Variants in CEP170 observed in about 807,000 individuals in gnomAD.
The protein encoded by CEP170 is centrosomal protein of 170 kDa.
In CEP170, 21 loss-of-function variants were observed where a neutral mutation model predicts 151.9. The observed-to-expected ratio is 0.14, with a 90% CI of 0.10 to 0.20. CEP170 has a LOEUF of 0.20. CEP170 is among the 10% of genes least tolerant of loss of function. The pLI, the probability that CEP170 is intolerant of heterozygous loss-of-function variation, is 1.00. For synonymous variants in CEP170, 356 were observed against 648.8 expected, an observed-to-expected ratio of 0.55 and a Z score of 6.86; for missense variants, 964 against 1,892.9, an observed-to-expected ratio of 0.51 and a Z score of 9.11.
intron 3 of CEP170, among the ~76,000 whole-genome samples, chr1:243,215,212 C>A (rs1028958405): frequency 6.6e-6 from 1 of 152,004 alleles, no homozygotes; most frequent in Non-Finnish European, 1.5e-5. Flanking sequence ...CGCCTCAGGA[C>A]CCTGTGATGA....
chr1:243,249,563 T>A (rs1478288030), intron 1 of CEP170, among the ~76,000 whole-genome samples: 2 of 152,304 alleles, frequency 1.3e-5, no homozygotes, highest in Non-Finnish European at 2.9e-5. Flanking sequence ...TTTCATATTA[T>A]TTCTTTTCAA....
At chr1:243,231,274 GT>G (rs1299360578) in intron 1 of CEP170, among the ~76,000 whole-genome samples, 2,540 of 142,094 alleles carry the variant, frequency 0.018, 80 homozygotes, top group African/African-American at 0.062. Flanking sequence ...AGCTGACACA[GT>G]TTTTTTTTTT....
chr1:243,150,341 G>A (rs553533260), intron 14 of CEP170, among the ~76,000 whole-genome samples: 4 of 152,230 alleles, frequency 2.6e-5, no homozygotes, highest in East Asian at 3.9e-4. Flanking sequence ...AGTAGAGATG[G>A]GGTTTCACCA....
intron 13 of CEP170, among the ~76,000 whole-genome samples, chr1:243,162,532 G>A (rs532042130): frequency 6.6e-6 from 1 of 152,304 alleles, no homozygotes; most frequent in African/African-American, 2.4e-5. Flanking sequence ...AGAAAACTGA[G>A]TATTTATCAA....
At position 243,147,158 on chromosome 1, in the gene CEP170, T is replaced by C. The variant is rs531333881; in HGVS notation, c.3912-4695A>G. On this transcript the variant is annotated intron_variant, in intron 14 of 19. Coordinates refer to ENST00000366542, the MANE Select transcript of CEP170 (RefSeq NM_014812.3). ...GTATTTTTATTAGTATATAAAAAAG[T>C]ACCCAGATGTGGCTTTAATGTGATA... Among the ~76,000 whole-genome samples, 32 of 152,360 alleles carry C rather than the reference T, an allele frequency of 2.1e-4. No individual in the cohort carries two copies. In the South Asian group the frequency reaches 6.4e-3, roughly 31 times the overall value.
At chr1:243,155,912 T>C (rs2057503675) in intron 14 of CEP170, among the ~76,000 whole-genome samples, 1 of 152,066 alleles carries the variant, frequency 6.6e-6, no homozygotes, top group Non-Finnish European at 1.5e-5. Context: ...TATGTAGATC[T>C]GATACTGCCT....
At chr1:243,134,893 A>T (rs1196157260) in intron 17 of CEP170, among the ~76,000 whole-genome samples, 1 of 152,132 alleles carries the variant, frequency 6.6e-6, no homozygotes, top group African/African-American at 2.4e-5. Context: ...GAAAGTAAAG[A>T]TCTAATTAAG....
rs941430465 is a variant in CEP170 at position 243,175,156 on chromosome 1, T to C, written c.1567-2310A>G. The C allele has an allele frequency of 5.3e-5, 8 of 152,196 alleles. No homozygotes were observed. The East Asian group carries it at 1.3e-3, about 26-fold the overall frequency. 9.4% of individuals were successfully genotyped at this position (152,196 alleles called of 1,614,324 possible). ...ACCAGCAGTTTCAAATAAAATATCATGAACCTCTCTAAATCACTTCTGACA... is the reference window on the plus strand; with the variant it reads ...ACCAGCAGTTTCAAATAAAATATCACGAACCTCTCTAAATCACTTCTGACA... On this transcript the variant is annotated intron_variant, in intron 10 of 19. Coordinates refer to ENST00000366542, the MANE Select transcript of CEP170 (RefSeq NM_014812.3).
chr1:243,182,862 G>A (rs2059711128), intron 10 of CEP170, among the ~76,000 whole-genome samples: 1 of 152,122 alleles, frequency 6.6e-6, no homozygotes, highest in South Asian at 2.1e-4. Context: ...GTTTACATTT[G>A]TTTGTGTCTC....
intron 10 of CEP170, among the ~76,000 whole-genome samples, chr1:243,184,968 C>T (rs571830273): frequency 1.8e-4 from 28 of 152,234 alleles, no homozygotes; most frequent in African/African-American, 6.3e-4. Flanking sequence ...AAAAGATTAA[C>T]GTTTAGCCAA....
intron 4 of CEP170, among the ~76,000 whole-genome samples, chr1:243,204,712 A>T (rs1398764941): frequency 6.6e-6 from 1 of 152,138 alleles, no homozygotes; most frequent in Admixed American, 6.6e-5. Context: ...TGAACCTCTT[A>T]TCAATCTATA....
intron 1 of CEP170, among the ~76,000 whole-genome samples, chr1:243,251,828 G>GT (rs1279630233): frequency 1.3e-5 from 2 of 151,958 alleles, no homozygotes; most frequent in African/African-American, 4.8e-5. Context: ...TTGCTGTTTT[G>GT]TTTTTCCACC....
At chr1:243,160,919 TAAAAC>T (rs139464059) in intron 13 of CEP170, among the ~76,000 whole-genome samples, 6,561 of 152,156 alleles carry the variant, frequency 0.043, 334 homozygotes, top group East Asian at 0.18. Flanking sequence ...AATGTGCACT[TAAAAC>T]ATAATGAAAA....
intron 2 of CEP170, among the ~76,000 whole-genome samples, chr1:243,223,166 G>C (rs2062960023): frequency 2.0e-5 from 3 of 152,144 alleles, no homozygotes; most frequent in African/African-American, 7.2e-5. Flanking sequence ...GTTGTTAAGA[G>C]AAGTGAGATT....
At position 243,165,686 on chromosome 1, in the gene CEP170, C is replaced by A. The variant is rs1457113489; in HGVS notation, c.2274G>T (p.Gln758His). Residue 758 changes from glutamine to histidine, a missense_variant, in exon 13 of 20, where the codon CAG (glutamine) becomes CAT (histidine). Transcript: ENST00000366542. ...LQQQEQREEA[Q>H]WTPTKLSSKN... ...TGGAAGACAATTTAGTAGGTGTCCACTGAGCCTCCTCCCTTTGTTCTTGTT... is the reference window on the plus strand; with the variant it reads ...TGGAAGACAATTTAGTAGGTGTCCAATGAGCCTCCTCCCTTTGTTCTTGTT... 1.2e-6 allele frequency: 2 copies of A among 1,613,946 alleles called. No homozygotes were observed. Among genetic ancestry groups the A allele is most frequent in the African/African-American group, 1.3e-5 (1 of 74,944 alleles).
chr1:243,218,243 T>C (rs2062484490), intron 3 of CEP170, among the ~76,000 whole-genome samples: 1 of 152,308 alleles, frequency 6.6e-6, no homozygotes, highest in South Asian at 2.1e-4. Flanking sequence ...GGAACTCTAG[T>C]GTGCAAAGGG....
chr1:243,131,956 G>C (rs191824915), intron 17 of CEP170, among the ~76,000 whole-genome samples: 1 of 152,310 alleles, frequency 6.6e-6, no homozygotes, highest in East Asian at 1.9e-4. Flanking sequence ...TAAAACATGC[G>C]AACGCGGAGT....
rs2053578784 is a variant in CEP170 at position 243,124,816 on chromosome 1, TTCAG to T, written c.*1629_*1632del. On this transcript the variant is annotated 3_prime_UTR_variant, in exon 20 of 20. Coordinates refer to ENST00000366542, the MANE Select transcript of CEP170 (RefSeq NM_014812.3). ...CCATTTATGTTCTTTAAAACCTTTT[TTCAG>T]TCTTCCTTTATTAGACAGAATGGGG... 1 of 152,626 alleles carries T rather than the reference TTCAG, an allele frequency of 6.6e-6. No homozygotes were observed. The highest frequency in any genetic ancestry group is 2.4e-5 in the African/African-American group (1 of 41,470). The allele number at this position is 152,626 out of a possible 1,614,324, so 9.5% of individuals were successfully genotyped here. A position where few individuals can be genotyped will look rare whatever the true frequency, so the allele number is the denominator to read the frequency against.
At position 243,211,719 on chromosome 1, in the gene CEP170, C is replaced by T. The variant is rs1339034; in HGVS notation, c.274+167G>A. On this transcript the variant is annotated intron_variant, in intron 4 of 19. Coordinates refer to ENST00000366542, the MANE Select transcript of CEP170 (RefSeq NM_014812.3). ...ACTTTTCCATGATTACTTTTAGGAACAGGCATAATAACTAAAAATATATAT... is the reference window on the plus strand; with the variant it reads ...ACTTTTCCATGATTACTTTTAGGAATAGGCATAATAACTAAAAATATATAT... 3 of 731,492 alleles carry T rather than the reference C, an allele frequency of 4.1e-6. No individual in the cohort carries two copies. The East Asian group carries it at 9.6e-5, about 23-fold the overall frequency. The allele number at this position is 731,492 out of a possible 1,614,324, so 45.3% of individuals were successfully genotyped here.
Sources: allele counts gnomAD v4.1 joint callset (sites outside exome capture counted in the v4.1 genomes callset), GRCh38; gene constraint gnomAD v4.1.1; transcripts MANE v1.5; gene names NCBI Gene and HGNC (gene_info 2026-07-23, HGNC 2026-07-21).